Variants in ADAMTSL1 observed in about 807,000 individuals in gnomAD.
ADAMTSL1 encodes ADAMTS-like protein 1.
A neutral mutation model predicts 201.8 loss-of-function variants in ADAMTSL1; 126 were observed. That is an observed-to-expected ratio of 0.62 (90% confidence interval 0.54 to 0.72). ADAMTSL1 has a LOEUF of 0.72. Among genes scored for constraint, ADAMTSL1 ranks in the 30% least tolerant of loss-of-function variants. The pLI is 0.00. For synonymous variants in ADAMTSL1, 1,121 were observed against 903.4 expected, an observed-to-expected ratio of 1.24 and a Z score of -4.32; for missense variants, 2,679 against 2,277.8, an observed-to-expected ratio of 1.18 and a Z score of -3.59.
chr9:18,198,854 C>T (rs1208251346), intron 2 of ADAMTSL1, among the ~76,000 whole-genome samples: 1 of 143,982 alleles, frequency 6.9e-6, no homozygotes, highest in East Asian at 2.0e-4. Flanking sequence ...GACTTGGAAC[C>T]AACCCAAATG....
At chr9:18,586,242 C>T (rs10963651) in intron 4 of ADAMTSL1, among the ~76,000 whole-genome samples, 11,572 of 152,244 alleles carry the variant, frequency 0.076, 469 homozygotes, top group East Asian at 0.1. Context: ...TCAGCAAAGT[C>T]TCAGGATATA....
At chr9:18,033,732 T>G (rs1413429151) in intron 1 of ADAMTSL1, among the ~76,000 whole-genome samples, 1 of 152,216 alleles carries the variant, frequency 6.6e-6, no homozygotes, top group East Asian at 1.9e-4. Flanking sequence ...CACGCTATAG[T>G]TCCATCTTTA....
chr9:18,114,669 G>C (rs960000395), intron 1 of ADAMTSL1, among the ~76,000 whole-genome samples: 9 of 152,104 alleles, frequency 5.9e-5, no homozygotes, highest in African/African-American at 1.7e-4. Context: ...AAAATATTAA[G>C]AGAAAAAAAC....
At position 18,171,219 on chromosome 9, in the gene ADAMTSL1, A is replaced by T. The variant is rs1587217800; in HGVS notation, c.207+7238A>T. Among the ~76,000 whole-genome samples the T allele has an allele frequency of 2.6e-5, 4 of 152,190 alleles. No individual in the cohort carries two copies. In the South Asian group the frequency reaches 8.3e-4, roughly 32 times the overall value. On this transcript the variant is annotated intron_variant, in intron 2 of 29. Coordinates refer to the ADAMTSL1 transcript ENST00000680146. ...AACCTATAAATAGACACATATAAAAAAGAACTTGGTATATCACAGATGTGC... is the reference window on the plus strand; with the variant it reads ...AACCTATAAATAGACACATATAAAATAGAACTTGGTATATCACAGATGTGC...
intron 16 of ADAMTSL1, among the ~76,000 whole-genome samples, chr9:18,756,742 C>T (rs1189005291): frequency 6.6e-6 from 1 of 152,178 alleles, no homozygotes; most frequent in East Asian, 1.9e-4. Context: ...TCACATGTTT[C>T]GTTTAAAGGA....
chr9:17,940,494 G>T (rs965017355), intron 1 of ADAMTSL1, among the ~76,000 whole-genome samples: 1 of 151,970 alleles, frequency 6.6e-6, no homozygotes, highest in African/African-American at 2.4e-5. Flanking sequence ...GAGATAGGAG[G>T]ACAGGAAGAA....
At chr9:18,094,695 G>A (rs966195747) in intron 1 of ADAMTSL1, among the ~76,000 whole-genome samples, 6 of 151,934 alleles carry the variant, frequency 3.9e-5, no homozygotes, top group African/African-American at 1.4e-4. Context: ...CGAGTAGGTG[G>A]GACTACAGGT....
intron 2 of ADAMTSL1, among the ~76,000 whole-genome samples, chr9:18,436,500 T>A (rs957248007): frequency 2.0e-5 from 3 of 152,208 alleles, no homozygotes; most frequent in Admixed American, 2.0e-4. Flanking sequence ...TTGCACCACG[T>A]TGGCTCCCTT....
At chr9:18,448,875 G>C (rs1241685700) in intron 2 of ADAMTSL1, among the ~76,000 whole-genome samples, 1 of 151,964 alleles carries the variant, frequency 6.6e-6, no homozygotes, top group Admixed American at 6.6e-5. Context: ...TGGTTACAAG[G>C]CTCGAATGTT....
chr9:18,176,630 C>A (rs1309220993), intron 2 of ADAMTSL1, among the ~76,000 whole-genome samples: 2 of 152,070 alleles, frequency 1.3e-5, no homozygotes, highest in African/African-American at 4.8e-5. Flanking sequence ...TAAAATGATG[C>A]AATTTAAAGA....
At chr9:18,386,131 G>C (rs1289204966) in intron 2 of ADAMTSL1, among the ~76,000 whole-genome samples, 1 of 152,058 alleles carries the variant, frequency 6.6e-6, no homozygotes, top group Non-Finnish European at 1.5e-5. Flanking sequence ...CTTTGTTGCA[G>C]GACTAGTGTT....
chr9:18,517,735 CATTTTT>C (rs1818450446), intron 2 of ADAMTSL1, among the ~76,000 whole-genome samples: 1 of 152,168 alleles, frequency 6.6e-6, no homozygotes, highest in South Asian at 2.1e-4. Context: ...ATGTCCCTAT[CATTTTT>C]TATGGCTGCA....
chr9:18,641,073 C>A (rs950156215), intron 7 of ADAMTSL1, among the ~76,000 whole-genome samples: 4 of 152,040 alleles, frequency 2.6e-5, no homozygotes, highest in African/African-American at 9.7e-5. Flanking sequence ...CTGTTTCAGA[C>A]CTGAATGCCG....
intron 1 of ADAMTSL1, among the ~76,000 whole-genome samples, chr9:17,919,837 T>C (rs1284021077): frequency 6.6e-6 from 1 of 152,184 alleles, no homozygotes; most frequent in African/African-American, 2.4e-5. Flanking sequence ...GGTATATACC[T>C]AGGAGTGTAA....
At chr9:18,360,133 G>A (rs961742681) in intron 2 of ADAMTSL1, among the ~76,000 whole-genome samples, 1 of 152,062 alleles carries the variant, frequency 6.6e-6, no homozygotes, top group African/African-American at 2.4e-5. Context: ...ATTTACAGAA[G>A]GTTCCTGTGT....
chr9:18,409,714 T>A (rs950434011), intron 2 of ADAMTSL1, among the ~76,000 whole-genome samples: 2 of 150,706 alleles, frequency 1.3e-5, no homozygotes, highest in African/African-American at 2.4e-5. Flanking sequence ...AGCCATAACA[T>A]GTATGTATGT....
intron 2 of ADAMTSL1, among the ~76,000 whole-genome samples, chr9:18,299,314 A>G (rs1000944430): frequency 3.9e-5 from 6 of 152,194 alleles, no homozygotes; most frequent in Non-Finnish European, 8.8e-5. Flanking sequence ...AAGCATGTCT[A>G]CATATATCTT....
intron 23 of ADAMTSL1, among the ~76,000 whole-genome samples, chr9:18,874,206 G>A (rs1296301129): frequency 2.0e-5 from 3 of 152,050 alleles, no homozygotes; most frequent in Admixed American, 6.6e-5. Context: ...AGTCTTTAGG[G>A]CTTTCTAGGT....
chr9:18,632,453 G>A (rs1164990412), intron 5 of ADAMTSL1, among the ~76,000 whole-genome samples: 1 of 152,140 alleles, frequency 6.6e-6, no homozygotes, highest in Non-Finnish European at 1.5e-5. Context: ...AGGTATACAC[G>A]GGGTTAAATA....
Sources: gnomAD v4.1 joint callset for allele counts (sites outside exome capture counted in the v4.1 genomes callset) on GRCh38, gnomAD v4.1.1 for gene constraint, MANE v1.5 for transcripts, NCBI Gene and HGNC (gene_info 2026-07-23, HGNC 2026-07-21) for gene names.